BRPF3: variants seen among roughly 807,000 people sequenced by gnomAD.
BRPF3 encodes the protein bromodomain and PHD finger containing 3, also known as bromodomain and PHD finger-containing protein 3.
BRPF3 carries 18 observed loss-of-function variants against 102.0 expected under a neutral mutation model. The observed-to-expected ratio is 0.18, with a 90% CI of 0.12 to 0.26. BRPF3 has a LOEUF of 0.26. BRPF3 is among the 10% of genes least tolerant of loss of function. The pLI is 1.00. For missense variants in BRPF3, 1,147 were observed against 1,567.8 expected, an observed-to-expected ratio of 0.73 and a Z score of 4.53; for synonymous variants, 570 against 614.2, an observed-to-expected ratio of 0.93 and a Z score of 1.06.
At chr6:36,212,036 G>C (rs897252476) in intron 7 of BRPF3, among the ~76,000 whole-genome samples, 9 of 152,178 alleles carry the variant, frequency 5.9e-5, no homozygotes, top group Non-Finnish European at 1.2e-4. Flanking sequence ...CTGGGCTTTT[G>C]AGCCACCTCA....
chr6:36,206,725 CTA>C (rs1767920284), intron 3 of BRPF3, among the ~76,000 whole-genome samples: 1 of 152,206 alleles, frequency 6.6e-6, no homozygotes, highest in Admixed American at 6.5e-5. Flanking sequence ...CTTCTCTGAT[CTA>C]ACCTCCACCT....
chr6:36,219,894 C>G (rs1768474453), intron 9 of BRPF3, among the ~76,000 whole-genome samples: 2 of 152,216 alleles, frequency 1.3e-5, no homozygotes, highest in South Asian at 4.1e-4. Context: ...CTTGGTTTAT[C>G]TTTTCTGATG....
chr6:36,214,415 C>T (rs750053216), intron 8 of BRPF3, 29 bp downstream of exon 8: 2 of 1,521,424 alleles, frequency 1.3e-6, no homozygotes, highest in South Asian at 1.3e-5. Flanking sequence ...TCTCTTGATA[C>T]TTCGCATCTG....
At chr6:36,218,899 G>C (rs1245612957) in intron 9 of BRPF3, among the ~76,000 whole-genome samples, 2 of 152,174 alleles carry the variant, frequency 1.3e-5, no homozygotes, top group South Asian at 2.1e-4. Flanking sequence ...AGGCACAAGA[G>C]CTTATGGAGC....
chr6:36,210,241 C>G lies in BRPF3; in HGVS notation c.1892C>G (p.Ser631Cys), dbSNP rs149568530. Residue 631 changes from serine to cysteine, a missense_variant, in exon 6 of 13, where the codon TCC becomes TGC. Physicochemically the swap from Ser to Cys is moderately radical, Grantham distance 112. This residue lies in a region of BRPF3 where 109 missense variants were observed against 175.1 expected (regional missense o/e 0.62). Coordinates refer to ENST00000357641, the MANE Select transcript of BRPF3 (RefSeq NM_015695.3). This position sits in a 1 kb window ranked among gnomAD's most constrained non-coding sequence, Gnocchi z 4.7. The stretch of plus-strand genomic sequence containing the variant: ...GTTCCAGATTACCTGGAATTCATAT[C>G]CAAGCCAATGGATTTTTCTACTATG... ...SEVPDYLEFI[S>C]KPMDFSTMRR... The G allele has an allele frequency of 2.5e-5, 40 of 1,614,204 alleles. No homozygotes were observed. Among genetic ancestry groups the G allele is most frequent in the Non-Finnish European group, 3.0e-5 (35 of 1,180,040 alleles).
intron 7 of BRPF3, among the ~76,000 whole-genome samples, chr6:36,213,654 G>T (rs1350313997): frequency 6.6e-6 from 1 of 150,972 alleles, no homozygotes; most frequent in African/African-American, 2.4e-5. Context: ...AGTGAGCTGT[G>T]ATCAGACCAC....
chr6:36,215,071 A>G (rs2127290039), intron 8 of BRPF3, among the ~76,000 whole-genome samples: 1 of 152,116 alleles, frequency 6.6e-6, no homozygotes, highest in East Asian at 1.9e-4. Context: ...TGAGGTGGTG[A>G]TAGAGGTAGG....
chr6:36,217,871 G>C, intron 8 of BRPF3, 46 bp from the exon 9 acceptor site: 1 of 1,570,020 alleles, frequency 6.4e-7, no homozygotes, highest in South Asian at 1.1e-5. Flanking sequence ...CATGTGTTGG[G>C]AAGGGGGATT....
Position 36,210,051 on chromosome 6 carries a change from G to A in BRPF3, c.1866+136G>A. 1.4e-6 allele frequency: 2 copies of A among 1,430,084 alleles called. No individual in the cohort carries two copies. The highest frequency in any genetic ancestry group is 2.4e-5 in the East Asian group (1 of 41,370). The allele number at this position is 1,430,084 out of a possible 1,614,324, so 88.6% of individuals were successfully genotyped here. On this transcript the variant is annotated intron_variant, in intron 5 of 12. Coordinates refer to ENST00000357641, the MANE Select transcript of BRPF3 (RefSeq NM_015695.3). The surrounding 1 kb of genome is among the most constrained non-coding windows in gnomAD (Gnocchi z 4.7). The stretch of plus-strand genomic sequence containing the variant: ...TGGGTCTGGCAAAGCTAGTAGACTT[G>A]CCCTTGATGAGGGGTCAGCAGGCCA...
chr6:36,208,668 T>C (rs2127282245), intron 4 of BRPF3, among the ~76,000 whole-genome samples: 1 of 152,300 alleles, frequency 6.6e-6, no homozygotes, highest in South Asian at 2.1e-4. Context: ...AAAATGTCTG[T>C]GCTGTCCCAG....
chr6:36,221,412 G>C (rs1233488152), intron 9 of BRPF3, among the ~76,000 whole-genome samples: 5 of 150,174 alleles, frequency 3.3e-5, no homozygotes, highest in Admixed American at 2.7e-4. Context: ...TCAGCCTCCT[G>C]AGTAGCTGGG....
At position 36,202,411 on chromosome 6, in the gene BRPF3, C is replaced by CG. The variant is rs1491420212; in HGVS notation, c.1448+641_1448+642insG. Among the ~76,000 whole-genome samples the CG allele has an allele frequency of 3.9e-3, 163 of 41,378 alleles. 6 individuals are homozygous for CG. The highest frequency in any genetic ancestry group is 0.034 in the South Asian group (26 of 760). The allele number at this position is 41,378 out of a possible 152,430, so 27.1% of individuals were successfully genotyped here. A position where few individuals can be genotyped will look rare whatever the true frequency, so the allele number is the denominator to read the frequency against. ...CAGCTGTGTAGCTAAGCTCTGTGGA[C>CG]CCCCCCCCCCTCCGCCCCCGCCATT... On this transcript the variant is annotated intron_variant, in intron 2 of 12. Transcript: ENST00000357641.
At chr6:36,225,486 G>GC in intron 11 of BRPF3, 122 bp downstream of exon 11, 1 of 862,932 alleles carries the variant, frequency 1.2e-6, no homozygotes, top group Non-Finnish European at 1.8e-6. Context: ...GAGGGGAGGG[G>GC]GGTTTTGCCC....
chr6:36,201,834 G>C lies in BRPF3; in HGVS notation c.1448+64G>C. On this transcript the variant is annotated intron_variant, in intron 2 of 12. Coordinates refer to ENST00000357641, the MANE Select transcript of BRPF3 (RefSeq NM_015695.3). This position sits in a 1 kb window ranked among gnomAD's most constrained non-coding sequence, Gnocchi z 5.1. ...TTCTTCTTGGGTTGGTGTTGGCCCT[G>C]TGCCAGGCCTTCGCTAAACACAGTT... 2 of 1,522,832 alleles carry C rather than the reference G, an allele frequency of 1.3e-6. No homozygotes were observed. The highest frequency in any genetic ancestry group is 2.3e-5 in the East Asian group (1 of 44,136). The allele number at this position is 1,522,832 out of a possible 1,614,324, so 94.3% of individuals were successfully genotyped here.
chr6:36,200,547 T>C lies in BRPF3; in HGVS notation c.225T>C (p.Asn75=), dbSNP rs749594321. 43 of 1,613,978 alleles carry C rather than the reference T, an allele frequency of 2.7e-5. No individual in the cohort carries two copies. The highest frequency in any genetic ancestry group is 3.5e-5 in the Non-Finnish European group (41 of 1,180,032). ...CTGCCCAGGATATCACCGAATGCAA[T>C]AGTAACAAGGAAAACAGTGAACAGC... is the stretch of plus-strand genomic sequence containing the variant. ...ELTAQDITEC[N]SNKENSEQPQ... The change falls in exon 2 of 13, where the codon AAT becomes AAC. Residue 75 remains asparagine, a synonymous_variant. Coordinates refer to ENST00000357641, the MANE Select transcript of BRPF3 (RefSeq NM_015695.3). This position sits in a 1 kb window ranked among gnomAD's most constrained non-coding sequence, Gnocchi z 5.3.
chr6:36,197,182 A>C (rs1253263905), intron 1 of BRPF3: 1 of 151,792 alleles, frequency 6.6e-6, no homozygotes, highest in African/African-American at 2.4e-5. Flanking sequence ...CCCCTCCCGC[A>C]GCCGCCATCT....
At position 36,230,444 on chromosome 6, in the gene BRPF3, C is replaced by G; in HGVS notation, c.3453C>G (p.Asp1151Glu). The G allele has an allele frequency of 1.2e-6, 2 of 1,614,160 alleles. No individual in the cohort carries two copies. Among genetic ancestry groups the G allele is most frequent in the Non-Finnish European group, 1.7e-6 (2 of 1,179,984 alleles). The change falls in exon 13 of 13, where the codon GAC becomes GAG. Residue 1151 changes from aspartate (D) to glutamate (E), a missense_variant. Around this residue, in one of 11 missense-constraint regions of BRPF3, gnomAD observed 85 missense variants for 172.9 expected, o/e 0.49. Coordinates refer to ENST00000357641, the MANE Select transcript of BRPF3 (RefSeq NM_015695.3). The surrounding 1 kb of genome is among the most constrained non-coding windows in gnomAD (Gnocchi z 5.4). ...NKRTWQWLPR[D>E]KVLPLGVEDT... is the part of the protein sequence containing the mutation. ...ATTTCAGGCAGTGGCTTCCAAGGGA[C>G]AAAGTCCTGCCCTTGGGTGTGGAAG...
At chr6:36,221,427 C>T (rs1014524270) in intron 9 of BRPF3, among the ~76,000 whole-genome samples, 32 of 151,718 alleles carry the variant, frequency 2.1e-4, no homozygotes, top group African/African-American at 7.3e-4. Context: ...GCTGGGAGTA[C>T]AGACACGTGC....
At chr6:36,208,106 A>T (rs1767969143) in intron 4 of BRPF3, among the ~76,000 whole-genome samples, 1 of 152,222 alleles carries the variant, frequency 6.6e-6, no homozygotes, top group South Asian at 2.1e-4. Flanking sequence ...TGTTTTGAGG[A>T]TTAGATGACT....
Sources: allele counts gnomAD v4.1 joint callset (sites outside exome capture counted in the v4.1 genomes callset), GRCh38; gene constraint gnomAD v4.1.1; regional missense constraint gnomAD v4.1.1; non-coding constraint Gnocchi (gnomAD v3.1); transcripts MANE v1.5; gene names NCBI Gene and HGNC (gene_info 2026-07-23, HGNC 2026-07-21).